The following POLR2F variants were observed in gnomAD, a reference collection of about 807,000 sequenced individuals.
POLR2F encodes the protein RNA polymerase II, I and III subunit F.
In POLR2F, 12 loss-of-function variants were observed where a neutral mutation model predicts 22.7. That is an observed-to-expected ratio of 0.53 (90% confidence interval 0.34 to 0.86). POLR2F has a LOEUF of 0.86. Ranked by LOEUF, POLR2F falls within the 40% of genes least tolerant of loss-of-function variation. The probability of loss-of-function intolerance (pLI) is 0.02; values close to 1 mark genes in which losing one functional copy is unlikely to be tolerated. For synonymous variants in POLR2F, 57 were observed against 66.0 expected (o/e 0.86, Z 0.66); for missense variants, 126 against 171.5 (o/e 0.73, Z 1.48).
At chr22:37,973,480 G>C, downstream of POLR2F, 2 of 1,522,352 alleles carry the variant, frequency 1.3e-6, no homozygotes, top group Non-Finnish European at 1.8e-6. Context: ...GGGGGTGGTG[G>C]CGACAGGGCC....
rs753455910 is a variant in POLR2F, at chr22:37,986,562, C to T, written c.120+250C>T. ...ATGGGGGTGGGGGTAGCAGTGGGCA[C>T]GCTCTGTCTGCAGGAAGCCACGCTA... On this transcript the variant is annotated intron_variant, in intron 1 of 2. Coordinates refer to the POLR2F transcript ENST00000333418. The surrounding 1 kb of genome is among the most constrained non-coding windows in gnomAD (Gnocchi z 4.7). 100 of 854,372 alleles carry T rather than the reference C, an allele frequency of 1.2e-4. No homozygotes were observed. The highest frequency in any genetic ancestry group is 3.8e-4 in the African/African-American group (23 of 60,202). 52.9% of individuals were successfully genotyped at this position (854,372 alleles called of 1,614,324 possible).
At chr22:38,039,991 G>C (rs1387918759) in intron 5 of POLR2F, among the ~76,000 whole-genome samples, 1 of 152,138 alleles carries the variant, frequency 6.6e-6, no homozygotes, top group Non-Finnish European at 1.5e-5. Context: ...ATGAGAAATG[G>C]AGTCAGGTGT....
At chr22:38,009,275 C>G (rs189303491) in intron 1 of POLR2F, among the ~76,000 whole-genome samples, 2 of 152,268 alleles carry the variant, frequency 1.3e-5, no homozygotes, top group East Asian at 3.9e-4. Flanking sequence ...CAGAGATGTG[C>G]CCTGATCTCT....
chr22:37,984,606 G>GA (rs1569171745), upstream of POLR2F: 1 of 151,168 alleles, frequency 6.6e-6, no homozygotes, highest in Non-Finnish European at 1.5e-5. This position sits in a 1 kb window ranked among gnomAD's most constrained non-coding sequence, Gnocchi z 4.4. Flanking sequence ...GGAGAGGGGG[G>GA]AGGGGAGAGG....
chr22:38,019,726 A>G (rs1007324666), intron 1 of POLR2F, among the ~76,000 whole-genome samples: 20 of 152,192 alleles, frequency 1.3e-4, no homozygotes, highest in Non-Finnish European at 2.6e-4. Flanking sequence ...TAAGAAGTCT[A>G]GTGGGGCTGG....
intron 1 of POLR2F, among the ~76,000 whole-genome samples, chr22:38,023,424 C>T (rs974735845): frequency 5.9e-5 from 9 of 151,798 alleles, no homozygotes; most frequent in East Asian, 5.8e-4. Context: ...GTAAGGGACT[C>T]GTGCCTTTTT....
intron 1 of POLR2F, among the ~76,000 whole-genome samples, chr22:38,024,199 A>G (rs1358814109): frequency 1.3e-5 from 2 of 151,982 alleles, no homozygotes; most frequent in Non-Finnish European, 2.9e-5. Context: ...ATCATATAAT[A>G]TTTGTTCTTT....
chr22:38,033,480 G>A (rs2085085341), intron 5 of POLR2F, among the ~76,000 whole-genome samples: 1 of 152,184 alleles, frequency 6.6e-6, no homozygotes, highest in Non-Finnish European at 1.5e-5. Flanking sequence ...GGTTCTGTAG[G>A]ACCAGATGGG....
At position 37,974,692 on chromosome 22, in the gene POLR2F, T is replaced by C. The variant is rs563354922; in HGVS notation, c.293+7522T>C. On this transcript the variant is annotated intron_variant, in intron 4 of 4. Transcript: ENST00000405557. This position sits in a 1 kb window ranked among gnomAD's most constrained non-coding sequence, Gnocchi z 5.4. ...ACTGGTGTCTTAGATTGATCTCTAG[T>C]TGTTTATGAAATTCTCAAATCTTAG... 2.0e-5 allele frequency among the ~76,000 whole-genome samples: 3 copies of C among 152,298 alleles called. No homozygotes were observed. The South Asian group carries it at 6.2e-4, about 32-fold the overall frequency.
intron 1 of POLR2F, among the ~76,000 whole-genome samples, chr22:37,954,246 G>A (rs1318374962): frequency 2.6e-5 from 4 of 152,082 alleles, no homozygotes; most frequent in African/African-American, 9.7e-5. Context: ...CCAGAGGAGG[G>A]TCTGGGGCAG....
At chr22:37,970,293 CAA>C (rs139881), downstream of POLR2F, among the ~76,000 whole-genome samples, 2 of 132,530 alleles carry the variant, frequency 1.5e-5, no homozygotes, top group Non-Finnish European at 1.6e-5. Flanking sequence ...GACTCCGTCT[CAA>C]AAAAAAAAAA....
chr22:38,041,193 G>A, downstream of POLR2F: 1 of 1,592,734 alleles, frequency 6.3e-7, no homozygotes, highest in Non-Finnish European at 8.6e-7. Flanking sequence ...GGTCAAGGCG[G>A]CCGCCAGGGA....
chr22:38,026,458 G>A (rs1231567185), exon 3 of POLR2F: 1 of 399,864 alleles, frequency 2.5e-6, no homozygotes, highest in South Asian at 1.8e-5. Context: ...TGGTCTTCAT[G>A]ATCCCAGGGC....
chr22:37,965,682 G>A (rs889986321), intron 3 of POLR2F, among the ~76,000 whole-genome samples: 1 of 152,140 alleles, frequency 6.6e-6, no homozygotes, highest in African/African-American at 2.4e-5. Flanking sequence ...CAGGCTTTTG[G>A]GAGTAATATA....
chr22:38,025,410 C>T (rs932424936), intron 1 of POLR2F, among the ~76,000 whole-genome samples: 8 of 152,146 alleles, frequency 5.3e-5, no homozygotes, highest in Non-Finnish European at 8.8e-5. Flanking sequence ...CATACACATG[C>T]CCACAACTCA....
At chr22:38,014,964 C>A (rs529044465) in intron 1 of POLR2F, among the ~76,000 whole-genome samples, 1 of 151,742 alleles carries the variant, frequency 6.6e-6, no homozygotes, top group South Asian at 2.1e-4. Context: ...TCCGCCACCA[C>A]GCCCGGCTAA....
intron 1 of POLR2F, among the ~76,000 whole-genome samples, chr22:37,996,729 C>T (rs1368612879): frequency 6.6e-6 from 1 of 152,188 alleles, no homozygotes; most frequent in East Asian, 1.9e-4. Flanking sequence ...TGGGGCACAG[C>T]CCCTCTCTGG....
Position 38,026,210 on chromosome 22 carries a change from G to A in POLR2F, c.399+63G>A, listed in dbSNP as rs192759637. On this transcript the variant is annotated intron_variant, in intron 2 of 2. Coordinates refer to the POLR2F transcript ENST00000333418. ...TGCCTTGTCCATCCTCCTGAGCACT[G>A]AAGCCCTGAATAGGCAGCTTCTGAG... is the stretch of plus-strand genomic sequence containing the variant. 1,557 of 532,664 alleles carry A rather than the reference G, an allele frequency of 2.9e-3. 7 individuals carry two copies. Among genetic ancestry groups the A allele is most frequent in the Non-Finnish European group, 4.1e-3 (1,064 of 259,554 alleles). 33.0% of individuals were successfully genotyped at this position (532,664 alleles called of 1,614,324 possible). A position where few individuals can be genotyped will look rare whatever the true frequency, so the allele number is the denominator to read the frequency against.
rs545402361 is a variant in POLR2F at position 38,013,047 on chromosome 22, T to A, written c.121-12822T>A. On this transcript the variant is annotated intron_variant, in intron 1 of 2. Transcript: ENST00000333418. ...ACCTCCTGCCCCACAGAACTTATTC[T>A]AGCACTCCCTCATTGCTTAGTTATG... Among the ~76,000 whole-genome samples the A allele has an allele frequency of 2.0e-5, 3 of 152,274 alleles. No homozygotes were observed. The East Asian group carries it at 5.8e-4, about 29-fold the overall frequency.
Sources: gnomAD v4.1 joint callset for allele counts (sites outside exome capture counted in the v4.1 genomes callset) on GRCh38, gnomAD v4.1.1 for gene constraint, Gnocchi (gnomAD v3.1) non-coding constraint, MANE v1.5 for transcripts, NCBI Gene and HGNC (gene_info 2026-07-23, HGNC 2026-07-21) for gene names.